Variants in ACBD6 observed in about 807,000 individuals in gnomAD.
ACBD6 encodes acyl-CoA binding domain containing 6, also known as acyl-CoA-binding domain-containing protein 6.
ACBD6 carries 28 observed loss-of-function variants against 37.2 expected under a neutral mutation model. The ratio of observed to expected loss-of-function variants is 0.75; its 90% confidence interval spans 0.56 to 1.03. The LOEUF is 1.03. ACBD6 is among the 50% of genes least tolerant of loss of function. The pLI is 0.00. For missense variants in ACBD6, 340 were observed against 337.4 expected (o/e 1.01, Z -0.06); for synonymous variants, 113 against 126.8 (o/e 0.89, Z 0.73).
At chr1:180,454,980 G>A (rs1298589944) in intron 3 of ACBD6, among the ~76,000 whole-genome samples, 1 of 152,150 alleles carries the variant, frequency 6.6e-6, no homozygotes, top group Non-Finnish European at 1.5e-5. Context: ...CAGGGATCTA[G>A]AACTAGAAAT....
At chr1:180,466,676 T>C (rs1359163388) in intron 3 of ACBD6, among the ~76,000 whole-genome samples, 1 of 152,336 alleles carries the variant, frequency 6.6e-6, no homozygotes, top group East Asian at 1.9e-4. Context: ...AGTTTGCCTA[T>C]GCACAAAATG....
intron 5 of ACBD6, among the ~76,000 whole-genome samples, 180 bp from the exon 6 acceptor site, chr1:180,397,785 G>T (rs918505349): frequency 6.6e-6 from 1 of 152,152 alleles, no homozygotes; most frequent in Non-Finnish European, 1.5e-5. Context: ...GGGCATGGTG[G>T]CTCATGCCTG....
chr1:180,482,902 T>A (rs1302313635), intron 3 of ACBD6, among the ~76,000 whole-genome samples: 1 of 152,140 alleles, frequency 6.6e-6, no homozygotes, highest in Non-Finnish European at 1.5e-5. Flanking sequence ...AAAGTTTCAT[T>A]TTATACTCTT....
chr1:180,298,999 A>G (rs148530066), intron 7 of ACBD6, among the ~76,000 whole-genome samples: 2 of 152,348 alleles, frequency 1.3e-5, no homozygotes, highest in East Asian at 3.9e-4. Context: ...CACAGAGCCT[A>G]CTTGCACATA....
chr1:180,311,843 C>T (rs1575710), intron 7 of ACBD6, among the ~76,000 whole-genome samples: 10,960 of 152,206 alleles, frequency 0.072, 426 homozygotes, highest in African/African-American at 0.11. Flanking sequence ...TCTTCATTTG[C>T]TTTTTGTCCT....
intron 3 of ACBD6, among the ~76,000 whole-genome samples, chr1:180,436,966 C>T (rs1432962276): frequency 6.6e-6 from 1 of 152,096 alleles, no homozygotes; most frequent in Non-Finnish European, 1.5e-5. Flanking sequence ...AGATGGTATC[C>T]AGGCCAATGT....
chr1:180,357,350 A>C (rs892670826), intron 6 of ACBD6, among the ~76,000 whole-genome samples: 2 of 152,220 alleles, frequency 1.3e-5, no homozygotes, highest in African/African-American at 4.8e-5. Flanking sequence ...ATGTTCCTCG[A>C]TACAAATGGA....
At chr1:180,296,673 C>T (rs752584566) in intron 7 of ACBD6, among the ~76,000 whole-genome samples, 32 of 152,030 alleles carry the variant, frequency 2.1e-4, no homozygotes, top group Middle Eastern at 3.4e-3. Flanking sequence ...TCAAGTGACC[C>T]GCCCACCCGG....
At chr1:180,399,319 A>G (rs1326146020) in intron 5 of ACBD6, among the ~76,000 whole-genome samples, 1 of 152,098 alleles carries the variant, frequency 6.6e-6, no homozygotes, top group East Asian at 1.9e-4. Context: ...CTGAGGCTGG[A>G]GTGCAGTGGC....
chr1:180,375,123 G>A lies in ACBD6; in HGVS notation c.663+22393C>T, dbSNP rs566914214. ...CTATTATGAAACTTCATATTTCAAAGAGTGCAATAACCAGGAAAACACTTA... is the reference window on the plus strand; with the variant it reads ...CTATTATGAAACTTCATATTTCAAAAAGTGCAATAACCAGGAAAACACTTA... On this transcript the variant is annotated intron_variant, in intron 6 of 7. Transcript: ENST00000367595. Among the ~76,000 whole-genome samples the A allele has an allele frequency of 3.9e-5, 6 of 152,158 alleles. No individual in the cohort carries two copies. The East Asian group carries it at 5.8e-4, about 15-fold the overall frequency.
chr1:180,332,981 A>G (rs2149301431), intron 6 of ACBD6, among the ~76,000 whole-genome samples: 1 of 152,268 alleles, frequency 6.6e-6, no homozygotes, highest in South Asian at 2.1e-4. Flanking sequence ...AGTTCTTAAA[A>G]CATTTTGGTT....
At chr1:180,407,239 G>A (rs923141161) in intron 5 of ACBD6, among the ~76,000 whole-genome samples, 3 of 152,186 alleles carry the variant, frequency 2.0e-5, no homozygotes, top group African/African-American at 2.4e-5. Context: ...AATTCTTGGC[G>A]TCTCAGTCTA....
intron 7 of ACBD6, among the ~76,000 whole-genome samples, chr1:180,297,337 T>C (rs769624031): frequency 2.0e-5 from 3 of 152,174 alleles, no homozygotes; most frequent in Non-Finnish European, 2.9e-5. Context: ...CTCTAATCCA[T>C]AACCATATAA....
intron 5 of ACBD6, among the ~76,000 whole-genome samples, chr1:180,412,475 T>C (rs966513339): frequency 2.0e-5 from 3 of 152,194 alleles, no homozygotes; most frequent in African/African-American, 7.2e-5. Context: ...AGAAAATGAT[T>C]AGAAGTGAGT....
chr1:180,326,174 A>G (rs1190628951), intron 6 of ACBD6, among the ~76,000 whole-genome samples: 1 of 152,152 alleles, frequency 6.6e-6, no homozygotes, highest in Non-Finnish European at 1.5e-5. Context: ...GGATTGGAGG[A>G]AAAAACCTTA....
chr1:180,313,661 A>G (rs1312151112), intron 7 of ACBD6, among the ~76,000 whole-genome samples: 2 of 152,170 alleles, frequency 1.3e-5, no homozygotes, highest in Admixed American at 1.3e-4. Flanking sequence ...TGGTGTAAAT[A>G]CCGATGGCTG....
At chr1:180,457,656 G>C (rs534104484) in intron 3 of ACBD6, among the ~76,000 whole-genome samples, 1 of 152,274 alleles carries the variant, frequency 6.6e-6, no homozygotes, top group East Asian at 1.9e-4. Context: ...ATCAGAATGA[G>C]TGGGTTATTT....
intron 7 of ACBD6, among the ~76,000 whole-genome samples, chr1:180,294,431 C>T (rs750020696): frequency 2.0e-5 from 3 of 151,644 alleles, no homozygotes; most frequent in East Asian, 2.0e-4. Flanking sequence ...CCAGCTACTC[C>T]GGAGGCTGAG....
intron 5 of ACBD6, among the ~76,000 whole-genome samples, chr1:180,401,475 A>C (rs994433999): frequency 1.3e-5 from 2 of 152,098 alleles, no homozygotes; most frequent in Admixed American, 1.3e-4. Flanking sequence ...TCAATATCAC[A>C]AAATTAAAAA....
Sources: allele counts gnomAD v4.1 joint callset (sites outside exome capture counted in the v4.1 genomes callset), GRCh38; gene constraint gnomAD v4.1.1; transcripts MANE v1.5; gene names NCBI Gene and HGNC (gene_info 2026-07-23, HGNC 2026-07-21).